Variants in CHRM3 observed in about 807,000 individuals in gnomAD.
CHRM3 encodes muscarinic acetylcholine receptor M3.
A neutral mutation model predicts 41.8 loss-of-function variants in CHRM3; 11 were observed. That is an observed-to-expected ratio of 0.26 (90% CI 0.17 to 0.44). CHRM3 has a LOEUF of 0.44. CHRM3 is among the 20% of genes least tolerant of loss of function. The pLI is 1.00. For synonymous variants in CHRM3, 297 were observed against 301.4 expected (o/e 0.99, Z 0.15); for missense variants, 571 against 745.4 (o/e 0.77, Z 2.72).
chr1:239,481,506 T>G (rs1048883662), intron 1 of CHRM3, among the ~76,000 whole-genome samples: 1 of 152,244 alleles, frequency 6.6e-6, no homozygotes, highest in African/African-American at 2.4e-5. Flanking sequence ...CAATATGAAC[T>G]TATTGGGATA....
chr1:239,497,488 C>T (rs1423410469), intron 2 of CHRM3, among the ~76,000 whole-genome samples: 1 of 152,118 alleles, frequency 6.6e-6, no homozygotes, highest in African/African-American at 2.4e-5. Flanking sequence ...TTCCCCAGTA[C>T]GTTACTTGGA....
intron 1 of CHRM3, among the ~76,000 whole-genome samples, chr1:239,459,210 C>T (rs1665179634): frequency 6.6e-6 from 1 of 151,662 alleles, no homozygotes; most frequent in East Asian, 1.9e-4. Flanking sequence ...CCTTTTTGTC[C>T]CTAAATCTAA....
intron 6 of CHRM3, among the ~76,000 whole-genome samples, chr1:239,866,707 T>G (rs1676141220): frequency 6.6e-6 from 1 of 152,244 alleles, no homozygotes; most frequent in Admixed American, 6.5e-5. Context: ...CTTTATTCAT[T>G]CAGCCAATGT....
At chr1:239,750,210 A>T (rs895187154) in intron 5 of CHRM3, among the ~76,000 whole-genome samples, 2 of 152,184 alleles carry the variant, frequency 1.3e-5, no homozygotes, top group African/African-American at 4.8e-5. Flanking sequence ...CGGCTGGCAG[A>T]TGATTTAGTA....
chr1:239,593,963 C>A (rs372552651), intron 3 of CHRM3, among the ~76,000 whole-genome samples: 1 of 152,146 alleles, frequency 6.6e-6, no homozygotes, highest in Non-Finnish European at 1.5e-5. Flanking sequence ...TCATTAACAT[C>A]TTTTACTCTC....
chr1:239,442,504 T>C (rs1246839263), intron 1 of CHRM3, among the ~76,000 whole-genome samples: 1 of 152,072 alleles, frequency 6.6e-6, no homozygotes, highest in African/African-American at 2.4e-5. Context: ...AGATGTGAAC[T>C]GTCTCTGGAA....
intron 3 of CHRM3, among the ~76,000 whole-genome samples, chr1:239,570,741 G>A (rs1333223323): frequency 6.6e-6 from 1 of 152,108 alleles, no homozygotes; most frequent in African/African-American, 2.4e-5. Flanking sequence ...GCTCAAAAAT[G>A]TGAGGGAGTT....
intron 4 of CHRM3, among the ~76,000 whole-genome samples, chr1:239,652,486 G>T (rs564759515): frequency 6.6e-6 from 1 of 152,250 alleles, no homozygotes; most frequent in South Asian, 2.1e-4. Flanking sequence ...TGTTTATGTA[G>T]TGCCTACCTG....
At chr1:239,837,996 C>T (rs1353041499) in intron 6 of CHRM3, among the ~76,000 whole-genome samples, 1 of 152,078 alleles carries the variant, frequency 6.6e-6, no homozygotes, top group East Asian at 1.9e-4. Context: ...AAAATAAAAA[C>T]ACTTTATGGA....
chr1:239,614,001 T>C (rs1667352225), intron 3 of CHRM3, among the ~76,000 whole-genome samples: 1 of 151,774 alleles, frequency 6.6e-6, no homozygotes, highest in South Asian at 2.1e-4. Context: ...ACAAAAAAAA[T>C]AAAATAAATA....
chr1:239,813,925 A>AAAAAAAAAAAAAC (rs1553274107), intron 5 of CHRM3, among the ~76,000 whole-genome samples: 2 of 146,390 alleles, frequency 1.4e-5, no homozygotes, highest in African/African-American at 5.5e-5. Flanking sequence ...TCAAAAAAAA[A>AAAAAAAAAAAAAC]AAAAAAAAAC....
At chr1:239,530,073 T>C (rs1386851487) in intron 2 of CHRM3, among the ~76,000 whole-genome samples, 2 of 152,006 alleles carry the variant, frequency 1.3e-5, no homozygotes, top group Non-Finnish European at 2.9e-5. Context: ...AATTTTTTCT[T>C]TTTGTATTTT....
chr1:239,821,580 C>A (rs2149046222), intron 5 of CHRM3, among the ~76,000 whole-genome samples: 2 of 152,294 alleles, frequency 1.3e-5, no homozygotes, highest in South Asian at 4.1e-4. Context: ...AGTCTCCCAG[C>A]CACTAGGATG....
intron 2 of CHRM3, among the ~76,000 whole-genome samples, chr1:239,528,460 T>C (rs1218666): frequency 0.53 from 80,408 of 152,082 alleles, 21,514 homozygotes; most frequent in Middle Eastern, 0.67. Context: ...AATAAGGTGC[T>C]CTTCTGTAAA....
chr1:239,416,198 G>A lies in CHRM3; in HGVS notation c.-521+28971G>A, dbSNP rs184136513. On this transcript the variant is annotated intron_variant, in intron 1 of 6. Coordinates refer to ENST00000676153, the MANE Select transcript of CHRM3 (RefSeq NM_001375978.1). Reference sequence around the variant, plus strand: ...TTGATTTTTATTAAATAAAAGTTTTGTTTTTTGGACTACTTTTTATCAGGT... The same window carrying A: ...TTGATTTTTATTAAATAAAAGTTTTATTTTTTGGACTACTTTTTATCAGGT... Among the ~76,000 whole-genome samples the A allele has an allele frequency of 3.7e-4, 57 of 152,210 alleles. 1 individual carries two copies. Among genetic ancestry groups the A allele is most frequent in the African/African-American group, 1.3e-3 (56 of 41,554 alleles).
Position 239,913,180 on chromosome 1 carries a change from T to TTTG in CHRM3, c.*3960_*3962dup, listed in dbSNP as rs769242143. 3 of 167,050 alleles carry TTTG rather than the reference T, an allele frequency of 1.8e-5. No individual in the cohort carries two copies. The highest frequency in any genetic ancestry group is 4.4e-5 in the Non-Finnish European group (3 of 68,114). 10.3% of individuals were successfully genotyped at this position (167,050 alleles called of 1,614,324 possible). ...GAAGGTAACCAAGGAAGCTTTGAAA[T>TTTG]TTGTTGGCAAACCCGGAGTAGTATG... On this transcript the variant is annotated 3_prime_UTR_variant, in exon 7 of 7. Transcript: ENST00000676153.
At chr1:239,606,241 G>A (rs1197738026) in intron 3 of CHRM3, 2 of 150,480 alleles carry the variant, frequency 1.3e-5, no homozygotes, top group Non-Finnish European at 3.0e-5. Context: ...ACTTAATTAA[G>A]TACATGTTTT....
intron 1 of CHRM3, among the ~76,000 whole-genome samples, chr1:239,444,460 A>G (rs866034092): frequency 3.9e-4 from 60 of 152,164 alleles, no homozygotes; most frequent in African/African-American, 1.4e-3. Context: ...TTAAAGAGGA[A>G]GCAATTAATT....
At chr1:239,798,774 C>T (rs1235011254) in intron 5 of CHRM3, among the ~76,000 whole-genome samples, 1 of 152,192 alleles carries the variant, frequency 6.6e-6, no homozygotes, top group Non-Finnish European at 1.5e-5. Flanking sequence ...GTTAATAAGA[C>T]TGGCACTCAG....
Sources: gnomAD v4.1 joint callset for allele counts (sites outside exome capture counted in the v4.1 genomes callset) on GRCh38, gnomAD v4.1.1 for gene constraint, MANE v1.5 for transcripts, NCBI Gene and HGNC (gene_info 2026-07-23, HGNC 2026-07-21) for gene names.